The following DIP2C variants were observed in gnomAD, a reference collection of about 807,000 sequenced individuals.
DIP2C encodes the protein disco-interacting protein 2 homolog C.
Under a neutral mutation model 192.4 loss-of-function variants are expected in DIP2C, and 33 were observed. That is an observed-to-expected ratio of 0.17 (90% CI 0.13 to 0.23). DIP2C has a LOEUF of 0.23. DIP2C is among the 10% of genes least tolerant of loss of function. The pLI is 1.00. For synonymous variants in DIP2C, 979 were observed against 864.1 expected, an observed-to-expected ratio of 1.13 and a Z score of -2.33; for missense variants, 1,537 against 2,110.1, an observed-to-expected ratio of 0.73 and a Z score of 5.32.
intron 31 of DIP2C, among the ~76,000 whole-genome samples, chr10:318,731 C>G (rs191188183): frequency 1.3e-5 from 2 of 152,168 alleles, no homozygotes; most frequent in East Asian, 3.9e-4. Context: ...TTCCTGCTGA[C>G]GGTGGCTCAT....
chr10:574,777 T>C (rs1850049159), intron 1 of DIP2C, among the ~76,000 whole-genome samples: 1 of 152,204 alleles, frequency 6.6e-6, no homozygotes, highest in Non-Finnish European at 1.5e-5. Context: ...CTATCTTCAA[T>C]GTGCTATGAT....
chr10:439,430 C>A (rs185138066), intron 4 of DIP2C, among the ~76,000 whole-genome samples: 3 of 142,852 alleles, frequency 2.1e-5, no homozygotes, highest in African/African-American at 8.9e-5. Flanking sequence ...AAAACAACAA[C>A]AACATAGGAA....
At chr10:280,081 AAGGAG>A (rs1374871797) in intron 36 of DIP2C, among the ~76,000 whole-genome samples, 2 of 152,112 alleles carry the variant, frequency 1.3e-5, no homozygotes, top group East Asian at 1.9e-4. Flanking sequence ...CTGTATACTC[AAGGAG>A]AGAAGTGTCA....
At chr10:683,058 G>A (rs1831188375) in intron 1 of DIP2C, among the ~76,000 whole-genome samples, 1 of 152,142 alleles carries the variant, frequency 6.6e-6, no homozygotes, top group African/African-American at 2.4e-5. Flanking sequence ...CAGCACAAAG[G>A]GCCGATGTCA....
In DIP2C at chr10:305,972, A is replaced by AATATAT. The variant is rs35830495; in HGVS notation, c.3986+4053_3986+4058dup. Among the ~76,000 whole-genome samples, 1,319 of 146,298 alleles carry AATATAT rather than the reference A, an allele frequency of 9.0e-3. 28 individuals are homozygous for AATATAT. Among genetic ancestry groups the AATATAT allele is most frequent in the African/African-American group, 0.03 (1,138 of 38,338 alleles). ...AAAACCGCATCTTCAAATGCAGACA[A>AATATAT]ATATATATATATATATATATATTAT... On this transcript the variant is annotated intron_variant, in intron 32 of 36. Coordinates refer to ENST00000280886, the MANE Select transcript of DIP2C (RefSeq NM_014974.3).
chr10:423,591 AT>A (rs1966363488), intron 4 of DIP2C, among the ~76,000 whole-genome samples: 1 of 151,684 alleles, frequency 6.6e-6, no homozygotes, highest in African/African-American at 2.4e-5. Flanking sequence ...CATGCAGCTG[AT>A]TTATTTCTAC....
In DIP2C at chr10:548,217, C is replaced by A. The variant is rs887352475; in HGVS notation, c.86-61687G>T. On this transcript the variant is annotated intron_variant, in intron 1 of 36. Coordinates refer to ENST00000280886, the MANE Select transcript of DIP2C (RefSeq NM_014974.3). Reference sequence around the variant, plus strand: ...CACACGAGTCTGCCCCACCCCCCCCCCCACAGGAAAGCCCTGGTGGTCAGG... The same window carrying A: ...CACACGAGTCTGCCCCACCCCCCCCACCACAGGAAAGCCCTGGTGGTCAGG... Among the ~76,000 whole-genome samples the A allele has an allele frequency of 5.4e-5, 7 of 129,854 alleles. 1 individual carries two copies. Among genetic ancestry groups the A allele is most frequent in the Admixed American group, 5.2e-4 (7 of 13,418 alleles). The allele number at this position is 129,854 out of a possible 152,430, so 85.2% of individuals were successfully genotyped here. A position where few individuals can be genotyped will look rare whatever the true frequency, so the allele number is the denominator to read the frequency against.
At chr10:629,598 G>A (rs998795148) in intron 1 of DIP2C, among the ~76,000 whole-genome samples, 8 of 152,196 alleles carry the variant, frequency 5.3e-5, no homozygotes, top group Admixed American at 1.3e-4. Flanking sequence ...GCTTTAACCC[G>A]TACTGGGGGA....
intron 4 of DIP2C, among the ~76,000 whole-genome samples, chr10:436,462 AG>A (rs1388937606): frequency 2.0e-5 from 3 of 152,134 alleles, no homozygotes; most frequent in Admixed American, 6.5e-5. Flanking sequence ...TGGACTTGGC[AG>A]GGTGGCATGC....
At chr10:477,740 A>G (rs575210319) in intron 2 of DIP2C, among the ~76,000 whole-genome samples, 3 of 122,102 alleles carry the variant, frequency 2.5e-5, no homozygotes, top group South Asian at 3.9e-4. Context: ...GGAAAGAAAG[A>G]ACGAGAAAGA....
chr10:632,412 G>A (rs1483270380), intron 1 of DIP2C, among the ~76,000 whole-genome samples: 1 of 149,084 alleles, frequency 6.7e-6, no homozygotes, highest in Non-Finnish European at 1.5e-5. Context: ...TCCACGGCCA[G>A]CACCGTAACT....
At chr10:390,230 T>C in intron 12 of DIP2C, 34 bp downstream of exon 12, 1 of 1,602,892 alleles carries the variant, frequency 6.2e-7, no homozygotes, top group Non-Finnish European at 8.5e-7. Context: ...AAGGCCACAC[T>C]CAGGGCCAGT....
Position 378,513 on chromosome 10 carries a change from G to A in DIP2C, c.1991+4134C>T, listed in dbSNP as rs944880228. Reference sequence around the variant, plus strand: ...TGAACACAGACATGCATAAAGACACGTGAACACACATGCACAAAGACACAT... The same window carrying A: ...TGAACACAGACATGCATAAAGACACATGAACACACATGCACAAAGACACAT... On this transcript the variant is annotated intron_variant, in intron 17 of 36. Transcript: ENST00000280886. 1.1e-4 allele frequency among the ~76,000 whole-genome samples: 16 copies of A among 150,186 alleles called. No homozygotes were observed. In the South Asian group the frequency reaches 1.7e-3, roughly 16 times the overall value.
intron 1 of DIP2C, among the ~76,000 whole-genome samples, chr10:657,732 G>C (rs1245969846): frequency 5.1e-4 from 50 of 98,154 alleles, no homozygotes; most frequent in East Asian, 9.7e-4. Context: ...TGGACCTGCC[G>C]CTGGACCTGA....
intron 1 of DIP2C, among the ~76,000 whole-genome samples, chr10:674,416 T>G (rs1267368900): frequency 6.6e-6 from 1 of 152,118 alleles, no homozygotes; most frequent in Non-Finnish European, 1.5e-5. Context: ...ACATAACAAT[T>G]ACAAATATAT....
At chr10:671,820 G>C (rs71494916) in intron 1 of DIP2C, among the ~76,000 whole-genome samples, 50,850 of 80,610 alleles carry the variant, frequency 0.63, 15,527 homozygotes, top group Admixed American at 0.75. Context: ...CACGGACGGA[G>C]GAAACGCCAC....
intron 1 of DIP2C, among the ~76,000 whole-genome samples, chr10:678,016 G>A (rs1454848232): frequency 6.6e-6 from 1 of 152,246 alleles, no homozygotes; most frequent in Non-Finnish European, 1.5e-5. Context: ...ATAGCCCGAA[G>A]GTGCCAGCCC....
chr10:563,915 A>G (rs150588518), intron 1 of DIP2C, among the ~76,000 whole-genome samples: 317 of 152,310 alleles, frequency 2.1e-3, no homozygotes, highest in Non-Finnish European at 3.1e-3. Flanking sequence ...AAATCCCAAC[A>G]CTGCTGAGGT....
chr10:548,514 G>GCA (rs1848421034), intron 1 of DIP2C, among the ~76,000 whole-genome samples: 1 of 151,226 alleles, frequency 6.6e-6, no homozygotes, highest in African/African-American at 2.4e-5. Context: ...CAGGAGGGAG[G>GCA]GAGGGAGGCA....
Sources: gnomAD v4.1 joint callset for allele counts (sites outside exome capture counted in the v4.1 genomes callset) on GRCh38, gnomAD v4.1.1 for gene constraint, MANE v1.5 for transcripts, NCBI Gene and HGNC (gene_info 2026-07-23, HGNC 2026-07-21) for gene names.